The following WWC1 variants were observed in gnomAD, a reference collection of about 807,000 sequenced individuals.
WWC1 encodes the protein WW and C2 domain containing 1.
A neutral mutation model predicts 138.4 loss-of-function variants in WWC1; 55 were observed. The observed-to-expected ratio is 0.40, with a 90% confidence interval of 0.32 to 0.50. WWC1 has a LOEUF of 0.50. WWC1 is among the 20% of genes least tolerant of loss of function. The probability of loss-of-function intolerance (pLI) is 0.72; values close to 1 mark genes in which losing one functional copy is unlikely to be tolerated. For synonymous variants in WWC1, 524 were observed against 564.9 expected (o/e 0.93, Z 1.03); for missense variants, 1,226 against 1,420.4 (o/e 0.86, Z 2.20).
chr5:168,435,321 C>G (rs939116730), intron 15 of WWC1, among the ~76,000 whole-genome samples: 1 of 152,226 alleles, frequency 6.6e-6, no homozygotes, highest in African/African-American at 2.4e-5. Context: ...AGCCATTCCG[C>G]TCTTTCCTCT....
At chr5:168,397,102 T>A (rs1468856102) in intron 3 of WWC1, among the ~76,000 whole-genome samples, 1 of 151,704 alleles carries the variant, frequency 6.6e-6, no homozygotes, top group African/African-American at 2.4e-5. Context: ...AAAATGCATA[T>A]GTGTGTGTAT....
At chr5:168,465,027 C>A (rs2305723) in intron 21 of WWC1, 65 bp downstream of exon 21, 1 of 1,565,094 alleles carries the variant, frequency 6.4e-7, no homozygotes, top group African/African-American at 1.4e-5. Context: ...GGGCACTGCC[C>A]CGGGGAAGAG....
At chr5:168,322,582 A>C (rs1772205525) in intron 1 of WWC1, among the ~76,000 whole-genome samples, 1 of 152,238 alleles carries the variant, frequency 6.6e-6, no homozygotes, top group Non-Finnish European at 1.5e-5. Context: ...ACCTAGCACA[A>C]GGCCTGCTAC....
At chr5:168,336,956 A>G (rs1773527815) in intron 1 of WWC1, among the ~76,000 whole-genome samples, 1 of 152,172 alleles carries the variant, frequency 6.6e-6, no homozygotes, top group South Asian at 2.1e-4. Flanking sequence ...TGCTCAACAT[A>G]TGTGAGCTGA....
chr5:168,299,000 G>T (rs1453123617), intron 1 of WWC1, among the ~76,000 whole-genome samples: 1 of 152,176 alleles, frequency 6.6e-6, no homozygotes, highest in Admixed American at 6.5e-5. Flanking sequence ...CAGGAGAATC[G>T]CTTGAACCCA....
intron 1 of WWC1, among the ~76,000 whole-genome samples, chr5:168,355,494 CAAAAAAAA>C (rs564674062): frequency 1.5e-5 from 1 of 66,524 alleles, no homozygotes; most frequent in Non-Finnish European, 2.7e-5. Context: ...GACTCCGTCT[CAAAAAAAA>C]AAAAAAAAAA....
intron 1 of WWC1, among the ~76,000 whole-genome samples, chr5:168,329,639 C>G (rs1396296525): frequency 2.6e-5 from 4 of 152,092 alleles, no homozygotes. Flanking sequence ...ACCTTTTTGC[C>G]AGGTTCTGCA....
intron 17 of WWC1, among the ~76,000 whole-genome samples, chr5:168,450,802 G>A (rs573768095): frequency 2.1e-4 from 32 of 152,138 alleles, no homozygotes; most frequent in African/African-American, 7.2e-4. Context: ...GACATAAAAA[G>A]TACAAACTAT....
chr5:168,390,066 T>G (rs545174939), intron 3 of WWC1, among the ~76,000 whole-genome samples: 2 of 152,308 alleles, frequency 1.3e-5, no homozygotes, highest in South Asian at 4.1e-4. Flanking sequence ...AGCCAGACTT[T>G]TTTGGTTCAA....
intron 2 of WWC1, among the ~76,000 whole-genome samples, chr5:168,381,507 G>A (rs892216426): frequency 6.6e-6 from 1 of 152,178 alleles, no homozygotes; most frequent in African/African-American, 2.4e-5. Flanking sequence ...TGGCACACTG[G>A]AATTATTTGG....
rs555771709 is a variant in WWC1 at position 168,400,751 on chromosome 5, T to G, written c.590+1184T>G. ...ATTGCTTGAGCCTGTGAGTTGGAGG[T>G]TGCAGTGAGCTGATTGCACCACTGC... On this transcript the variant is annotated intron_variant, in intron 5 of 22. Coordinates refer to ENST00000265293, the MANE Select transcript of WWC1 (RefSeq NM_015238.3). 2.0e-5 allele frequency among the ~76,000 whole-genome samples: 3 copies of G among 151,216 alleles called. No homozygotes were observed. In the East Asian group the frequency reaches 5.9e-4, roughly 30 times the overall value.
intron 1 of WWC1, among the ~76,000 whole-genome samples, chr5:168,339,969 GTC>G (rs1773890549): frequency 1.1e-5 from 1 of 92,720 alleles, no homozygotes; most frequent in South Asian, 3.7e-4. Context: ...CTCTCTCTCT[GTC>G]TCTCTTTCTC....
chr5:168,373,849 A>G (rs1224172289), intron 2 of WWC1, among the ~76,000 whole-genome samples: 1 of 151,392 alleles, frequency 6.6e-6, no homozygotes, highest in East Asian at 1.9e-4. Context: ...GGTCGAGACC[A>G]TTCTGGCTAA....
chr5:168,312,884 C>T (rs1297204750), intron 1 of WWC1, among the ~76,000 whole-genome samples: 1 of 146,192 alleles, frequency 6.8e-6, no homozygotes, highest in East Asian at 2.0e-4. Flanking sequence ...GGCATGATCT[C>T]TGCAACCTCC....
At chr5:168,367,145 C>A (rs997476503) in intron 1 of WWC1, among the ~76,000 whole-genome samples, 1 of 151,914 alleles carries the variant, frequency 6.6e-6, no homozygotes, top group African/African-American at 2.4e-5. Context: ...ATGGATTTCC[C>A]AGGTCTATTG....
chr5:168,405,523 C>T (rs1351093081), intron 5 of WWC1, among the ~76,000 whole-genome samples: 1 of 152,162 alleles, frequency 6.6e-6, no homozygotes, highest in Non-Finnish European at 1.5e-5. Context: ...CACAATGTAA[C>T]GACTGCAGAG....
intron 1 of WWC1, among the ~76,000 whole-genome samples, chr5:168,344,697 G>A (rs567647767): frequency 2.0e-4 from 30 of 152,362 alleles, no homozygotes; most frequent in African/African-American, 6.5e-4. Context: ...TGTCACAGCA[G>A]GAAGCAGGGG....
rs1222776386 is a variant in WWC1, at chr5:168,470,129, C to T, written c.*1112C>T. The T allele has an allele frequency of 6.6e-6, 1 of 152,210 alleles. No individual in the cohort carries two copies. Among genetic ancestry groups the T allele is most frequent in the African/African-American group, 2.4e-5 (1 of 41,436 alleles). 9.4% of individuals were successfully genotyped at this position (152,210 alleles called of 1,614,324 possible). A position where few individuals can be genotyped will look rare whatever the true frequency, so the allele number is the denominator to read the frequency against. ...GCTGCTCCTGTGGCCCCTATTCCTA[C>T]CCAGCTCAGAGCTTTGCAGGGTCTA... On this transcript the variant is annotated 3_prime_UTR_variant, in exon 23 of 23. Transcript: ENST00000265293.
chr5:168,431,125 G>C (rs2152860306), intron 14 of WWC1, 127 bp from the exon 15 acceptor site: 1 of 826,804 alleles, frequency 1.2e-6, no homozygotes, highest in Admixed American at 2.8e-5. Flanking sequence ...TGATTCCCCA[G>C]ATTCCTCACT....
Sources: allele counts gnomAD v4.1 joint callset (sites outside exome capture counted in the v4.1 genomes callset), GRCh38; gene constraint gnomAD v4.1.1; transcripts MANE v1.5; gene names NCBI Gene and HGNC (gene_info 2026-07-23, HGNC 2026-07-21).